Variants in FHIT observed in about 807,000 individuals in gnomAD.
The protein encoded by FHIT is bis(5'-adenosyl)-triphosphatase.
Under a neutral mutation model 17.9 loss-of-function variants are expected in FHIT, and 19 were observed. That is an observed-to-expected ratio of 1.06 (90% CI 0.74 to 1.56). The LOEUF (loss-of-function observed/expected upper bound fraction) is 1.56. FHIT is among the 40% of genes most tolerant of loss of function. The pLI, the probability that FHIT is intolerant of heterozygous loss-of-function variation, is 0.00. For synonymous variants in FHIT, 81 were observed against 69.7 expected, an observed-to-expected ratio of 1.16 and a Z score of -0.81; for missense variants, 248 against 189.2, an observed-to-expected ratio of 1.31 and a Z score of -1.82.
chr3:60,913,675 C>T (rs879974516), intron 3 of FHIT, among the ~76,000 whole-genome samples: 29 of 152,184 alleles, frequency 1.9e-4, no homozygotes, highest in African/African-American at 4.8e-4. Context: ...CTCAGTGAGA[C>T]GGCTCATCTC....
intron 5 of FHIT, among the ~76,000 whole-genome samples, chr3:60,348,387 A>AT (rs1000743755): frequency 6.7e-6 from 1 of 148,188 alleles, no homozygotes; most frequent in Admixed American, 6.7e-5. Flanking sequence ...GCAGTGTCAA[A>AT]TTTTTTTTAA....
chr3:60,097,008 CT>C (rs1703977728), intron 5 of FHIT, among the ~76,000 whole-genome samples: 1 of 136,190 alleles, frequency 7.3e-6, no homozygotes, highest in African/African-American at 2.7e-5. Context: ...CAGTGAGACC[CT>C]ATCTCTGTTA....
chr3:61,211,277 T>C (rs1301237610), intron 1 of FHIT, among the ~76,000 whole-genome samples: 2 of 150,686 alleles, frequency 1.3e-5, no homozygotes, highest in East Asian at 4.1e-4. Flanking sequence ...AGACGGCACC[T>C]GGAAAATAGG....
chr3:60,040,724 G>T (rs1263531070), intron 5 of FHIT, among the ~76,000 whole-genome samples: 3 of 152,124 alleles, frequency 2.0e-5, no homozygotes, highest in Admixed American at 1.3e-4. Context: ...GTTGGACCAT[G>T]TAAGAACTAG....
At chr3:60,663,610 T>A (rs1228334152) in intron 4 of FHIT, among the ~76,000 whole-genome samples, 1 of 151,966 alleles carries the variant, frequency 6.6e-6, no homozygotes, top group Non-Finnish European at 1.5e-5. Context: ...TAATTTTTTG[T>A]ATTTTTACAA....
intron 4 of FHIT, among the ~76,000 whole-genome samples, chr3:60,715,629 G>A (rs530894248): frequency 5.9e-4 from 69 of 117,236 alleles, no homozygotes; most frequent in South Asian, 5.1e-3. Flanking sequence ...TGTGGGGTGG[G>A]GGGAGGGGGG....
At chr3:60,573,294 C>T (rs1007767328) in intron 4 of FHIT, among the ~76,000 whole-genome samples, 21 of 152,142 alleles carry the variant, frequency 1.4e-4, no homozygotes, top group African/African-American at 4.8e-4. Context: ...CATTTGAGAC[C>T]ATTTCCCTCT....
intron 2 of FHIT, among the ~76,000 whole-genome samples, chr3:61,141,438 A>C (rs1315868926): frequency 6.6e-6 from 1 of 152,174 alleles, no homozygotes; most frequent in Non-Finnish European, 1.5e-5. Flanking sequence ...AGGGATACAG[A>C]CAAATACCTC....
At chr3:60,623,766 G>T (rs567293314) in intron 4 of FHIT, among the ~76,000 whole-genome samples, 7 of 152,056 alleles carry the variant, frequency 4.6e-5, no homozygotes, top group Non-Finnish European at 2.9e-5. Context: ...TCCTCGTTTC[G>T]GCGTGTCTTC....
chr3:60,319,163 C>T (rs1029115335), intron 5 of FHIT, among the ~76,000 whole-genome samples: 1 of 152,078 alleles, frequency 6.6e-6, no homozygotes, highest in African/African-American at 2.4e-5. Flanking sequence ...TCACAGGTAC[C>T]AGGAATTAGG....
At chr3:61,216,877 A>G (rs940770544) in intron 1 of FHIT, among the ~76,000 whole-genome samples, 1 of 152,116 alleles carries the variant, frequency 6.6e-6, no homozygotes, top group Non-Finnish European at 1.5e-5. Context: ...CATCATTCTC[A>G]GTAAACTATC....
At chr3:60,008,696 T>C (rs996601378) in intron 7 of FHIT, among the ~76,000 whole-genome samples, 2 of 152,206 alleles carry the variant, frequency 1.3e-5, no homozygotes, top group Admixed American at 1.3e-4. Flanking sequence ...GTGCTTTCCA[T>C]GGCAGGTTGT....
chr3:59,749,445 T>C lies in FHIT; in HGVS notation c.*140A>G, dbSNP rs1700763918. 4.3e-6 allele frequency: 1 copy of C among 231,718 alleles called. No homozygotes were observed. The highest frequency in any genetic ancestry group is 8.5e-6 in the Non-Finnish European group (1 of 117,192). The allele number at this position is 231,718 out of a possible 1,614,324, so 14.4% of individuals were successfully genotyped here. A position where few individuals can be genotyped will look rare whatever the true frequency, so the allele number is the denominator to read the frequency against. On this transcript the variant is annotated 3_prime_UTR_variant, in exon 10 of 10. Coordinates refer to ENST00000492590, the MANE Select transcript of FHIT (RefSeq NM_002012.4). ...AGTGACCGAGGTGGGGGATCACTGG[T>C]TGAAGAATACAGGATGGTGAGATGA... is the stretch of plus-strand genomic sequence containing the variant.
At chr3:60,606,604 T>C (rs1331460194) in intron 4 of FHIT, among the ~76,000 whole-genome samples, 1 of 152,118 alleles carries the variant, frequency 6.6e-6, no homozygotes, top group Non-Finnish European at 1.5e-5. Flanking sequence ...ATTAGGATAG[T>C]GAATTGGGTG....
At chr3:60,776,015 C>A (rs1394163822) in intron 4 of FHIT, among the ~76,000 whole-genome samples, 4 of 152,208 alleles carry the variant, frequency 2.6e-5, no homozygotes, top group African/African-American at 9.7e-5. Flanking sequence ...ACCCCATCAG[C>A]AAGTTAACTT....
chr3:60,469,700 G>A (rs1481275104), intron 5 of FHIT, among the ~76,000 whole-genome samples: 1 of 152,074 alleles, frequency 6.6e-6, no homozygotes, highest in Non-Finnish European at 1.5e-5. Flanking sequence ...AGGTCTTGAT[G>A]CTTTGGGTGT....
At chr3:60,547,562 G>A (rs916257188) in intron 4 of FHIT, among the ~76,000 whole-genome samples, 4 of 152,000 alleles carry the variant, frequency 2.6e-5, no homozygotes, top group Non-Finnish European at 4.4e-5. Context: ...TCTTAAATGA[G>A]TCTCCATTTC....
rs368608278 is a variant in FHIT at position 60,011,260 on chromosome 3, C to T, written c.279+111G>A. ...CTCTAACACTGAGGGTCTCTCTGAC[C>T]TCGAAGATAACATAATGAAACAGCA... On this transcript the variant is annotated intron_variant, in intron 7 of 9. Transcript: ENST00000492590. The T allele has an allele frequency of 3.3e-5, 33 of 1,009,482 alleles. No individual in the cohort carries two copies. In the African/African-American group the frequency reaches 4.3e-4, roughly 13 times the overall value. 62.5% of individuals were successfully genotyped at this position (1,009,482 alleles called of 1,614,324 possible).
chr3:61,185,022 T>A (rs1018082825), intron 2 of FHIT, among the ~76,000 whole-genome samples: 9 of 152,154 alleles, frequency 5.9e-5, no homozygotes, highest in Middle Eastern at 3.2e-3. Context: ...CGGCATCCAA[T>A]CTTCACTTTT....
Sources: allele counts gnomAD v4.1 joint callset (sites outside exome capture counted in the v4.1 genomes callset), GRCh38; gene constraint gnomAD v4.1.1; transcripts MANE v1.5; gene names NCBI Gene and HGNC (gene_info 2026-07-23, HGNC 2026-07-21).